The following MED24 variants were observed in gnomAD, a reference collection of about 807,000 sequenced individuals.
The protein encoded by MED24 is mediator of RNA polymerase II transcription subunit 24.
MED24 carries 74 observed loss-of-function variants against 118.8 expected under a neutral mutation model. That is an observed-to-expected ratio of 0.62 (90% CI 0.52 to 0.76). The LOEUF (loss-of-function observed/expected upper bound fraction) is 0.76, where lower values mean the gene tolerates loss of function less well. Among genes scored for constraint, MED24 ranks in the 30% least tolerant of loss-of-function variants. The pLI, the probability that MED24 is intolerant of heterozygous loss-of-function variation, is 0.00. For synonymous variants in MED24, 521 were observed against 523.9 expected, an observed-to-expected ratio of 0.99 and a Z score of 0.08; for missense variants, 1,041 against 1,278.9, an observed-to-expected ratio of 0.81 and a Z score of 2.84.
intron 15 of MED24, 51 bp from the exon 16 acceptor site, chr17:40,027,516 C>A (rs1203600602): frequency 6.5e-7 from 1 of 1,545,560 alleles, no homozygotes; most frequent in African/African-American, 1.4e-5. Flanking sequence ...GGGGGGAGCC[C>A]GTGTCTGGGT....
intron 16 of MED24, 164 bp downstream of exon 16, chr17:40,027,219 G>A: frequency 9.3e-7 from 1 of 1,076,860 alleles, no homozygotes; most frequent in Non-Finnish European, 1.3e-6. Context: ...GTGAACATAG[G>A]GCTGAAGGTG....
intron 3 of MED24, among the ~76,000 whole-genome samples, chr17:40,040,572 C>T (rs571707349): frequency 2.0e-5 from 3 of 151,708 alleles, no homozygotes; most frequent in Non-Finnish European, 4.4e-5. Flanking sequence ...ACCACCACCC[C>T]ATCTCTGCTA....
chr17:40,025,000 T>G (rs1212640319), intron 19 of MED24, among the ~76,000 whole-genome samples: 2 of 152,074 alleles, frequency 1.3e-5, no homozygotes, highest in Non-Finnish European at 2.9e-5. Flanking sequence ...CCTCCCAAAG[T>G]GCTAGGATTG....
At chr17:40,020,097 AGGAG>A (rs2144849056) in intron 24 of MED24, 164 bp from the exon 25 acceptor site, 11 of 956,170 alleles carry the variant, frequency 1.2e-5, no homozygotes, top group Non-Finnish European at 1.7e-5. Context: ...TGGGGAGGGG[AGGAG>A]GGGGAACTAG....
At chr17:40,044,951 G>A (rs1985002922) in intron 3 of MED24, among the ~76,000 whole-genome samples, 1 of 152,030 alleles carries the variant, frequency 6.6e-6, no homozygotes, top group South Asian at 2.1e-4. Context: ...TACGGATGGG[G>A]TATAACCTAA....
intron 16 of MED24, 137 bp downstream of exon 16, chr17:40,027,246 C>A: frequency 1.7e-6 from 2 of 1,156,720 alleles, no homozygotes; most frequent in Non-Finnish European, 2.4e-6. Flanking sequence ...CGGACTCCAG[C>A]CCGGGTGGGC....
chr17:40,050,655 A>AT (rs895045276), intron 3 of MED24, among the ~76,000 whole-genome samples: 6 of 152,106 alleles, frequency 3.9e-5, no homozygotes, highest in Non-Finnish European at 8.8e-5. Context: ...ATTCTCACTG[A>AT]TAAGTGGGAG....
chr17:40,046,380 C>G lies in MED24; in HGVS notation c.213+6918G>C, dbSNP rs1230204026. Among the ~76,000 whole-genome samples the G allele has an allele frequency of 8.7e-5, 13 of 148,990 alleles. No individual in the cohort carries two copies. The East Asian group carries it at 2.4e-3, about 27-fold the overall frequency. On this transcript the variant is annotated intron_variant, in intron 3 of 25. Transcript: ENST00000394128. ...GATTACAGGCATGATCCACTGCGCC[C>G]AGCCTAAAAAAATTTTTAATAAAAA... is the stretch of plus-strand genomic sequence containing the variant.
chr17:40,029,949 G>A (rs1461070246), intron 12 of MED24, 90 bp from the exon 13 acceptor site: 16 of 1,178,242 alleles, frequency 1.4e-5, no homozygotes, highest in African/African-American at 3.0e-5. Context: ...AAGGAAATGC[G>A]CAGAGGAGGT....
Position 40,027,373 on chromosome 17 carries a change from C to A in MED24, c.1530+10G>T. 1 of 1,611,676 alleles carries A rather than the reference C, an allele frequency of 6.2e-7. No individual in the cohort carries two copies. The highest frequency in any genetic ancestry group is 1.1e-5 in the South Asian group (1 of 90,656). The stretch of plus-strand genomic sequence containing the variant: ...CTTGAGCCCCCGTCCCGGTCGCTCC[C>A]CTCTCTCACCTCTGAACCATAGGTC... On this transcript the variant is annotated intron_variant, in intron 16 of 25. Coordinates refer to ENST00000394128, the MANE Select transcript of MED24 (RefSeq NM_014815.4).
At chr17:40,024,336 C>A (rs1245131585) in intron 19 of MED24, among the ~76,000 whole-genome samples, 1 of 152,068 alleles carries the variant, frequency 6.6e-6, no homozygotes, top group Admixed American at 6.5e-5. Context: ...GAGTTCGAGA[C>A]CAGCCTGGCC....
intron 16 of MED24, 101 bp from the exon 17 acceptor site, chr17:40,027,135 G>T (rs1982760791): frequency 7.0e-7 from 1 of 1,435,130 alleles, no homozygotes. Flanking sequence ...TGCTGCTCCA[G>T]CCCAGCCCAA....
At position 40,026,215 on chromosome 17, in the gene MED24, C is replaced by A; in HGVS notation, c.1926G>T (p.Met642Ile). 6.2e-7 allele frequency: 1 copy of A among 1,614,238 alleles called. No homozygotes were observed. Residue 642 changes from methionine (M) to isoleucine (I), a missense_variant, in exon 19 of 26, where the codon ATG (methionine) becomes ATT (isoleucine). Transcript: ENST00000394128. ...ACAGTGGCCCTGCCAGCTGGCGGAT[C>A]ATCTGCAGCGACTTCTCACGCTCAT... is the stretch of plus-strand genomic sequence containing the variant. ...GLDEREKSLQ[M>I]IRQLAGPLFS...
intron 3 of MED24, among the ~76,000 whole-genome samples, chr17:40,049,506 T>G (rs1159262169): frequency 6.6e-6 from 1 of 152,096 alleles, no homozygotes; most frequent in Non-Finnish European, 1.5e-5. Context: ...ACCTTACAAT[T>G]TTTTGACTTT....
At chr17:40,050,823 G>A (rs1204422825) in intron 3 of MED24, among the ~76,000 whole-genome samples, 1 of 152,146 alleles carries the variant, frequency 6.6e-6, no homozygotes, top group Non-Finnish European at 1.5e-5. Flanking sequence ...TCACCACGAT[G>A]CAATGTATGC....
Position 40,029,876 on chromosome 17 carries a change from T to C in MED24, c.1155-17A>G. 6.2e-7 allele frequency: 1 copy of C among 1,611,012 alleles called. No individual in the cohort carries two copies. The highest frequency in any genetic ancestry group is 8.5e-7 in the Non-Finnish European group (1 of 1,177,218). On this transcript the variant is annotated splice_polypyrimidine_tract_variant and intron_variant, in intron 12 of 25. Coordinates refer to ENST00000394128, the MANE Select transcript of MED24 (RefSeq NM_014815.4). The stretch of plus-strand genomic sequence containing the variant: ...TCCGCTTTGCTGTGGACATCACCAG[T>C]TGGCCAAGGAAGGGAAGAGGAATGA...
chr17:40,026,177 G>A lies in MED24; in HGVS notation c.1964C>T (p.Thr655Ile). Residue 655 changes from threonine (T) to isoleucine (I), a missense_variant, in exon 19 of 26, where the codon ACC (threonine) becomes ATC (isoleucine). Coordinates refer to ENST00000394128, the MANE Select transcript of MED24 (RefSeq NM_014815.4). ...QLAGPLFSENTLQFYNERVVI... is the reference protein window; with the variant it reads ...QLAGPLFSENILQFYNERVVI... The stretch of plus-strand genomic sequence containing the variant: ...CGACCTCTCATTGTAGAACTGCAGG[G>A]TGTTCTCACTAAACAGTGGCCCTGC... 6.2e-7 allele frequency: 1 copy of A among 1,614,084 alleles called. No homozygotes were observed. The highest frequency in any genetic ancestry group is 1.1e-5 in the South Asian group (1 of 91,082).
At chr17:40,031,847 C>A (rs536422146) in intron 10 of MED24, among the ~76,000 whole-genome samples, 196 bp downstream of exon 10, 1 of 152,306 alleles carries the variant, frequency 6.6e-6, no homozygotes, top group South Asian at 2.1e-4. Flanking sequence ...GAAGCACGCA[C>A]ACACTGAAGC....
intron 3 of MED24, among the ~76,000 whole-genome samples, chr17:40,042,221 G>A (rs931217717): frequency 8.5e-5 from 13 of 152,224 alleles, no homozygotes; most frequent in African/African-American, 3.1e-4. Flanking sequence ...AATATAATAG[G>A]ATTTTTATGG....
Sources: gnomAD v4.1 joint callset for allele counts (sites outside exome capture counted in the v4.1 genomes callset) on GRCh38, gnomAD v4.1.1 for gene constraint, MANE v1.5 for transcripts, NCBI Gene and HGNC (gene_info 2026-07-23, HGNC 2026-07-21) for gene names.